The following TNR variants were observed in gnomAD, a reference collection of about 807,000 sequenced individuals.
TNR encodes tenascin R.
A neutral mutation model predicts 150.4 loss-of-function variants in TNR; 45 were observed. The observed-to-expected ratio is 0.30, with a 90% CI of 0.24 to 0.38. TNR has a LOEUF of 0.38. Ranked by LOEUF, TNR falls within the 10% of genes least tolerant of loss-of-function variation. The probability of loss-of-function intolerance (pLI) is 1.00; values close to 1 mark genes in which losing one functional copy is unlikely to be tolerated. For missense variants in TNR, 1,544 were observed against 1,759.1 expected (o/e 0.88, Z 2.19); for synonymous variants, 687 against 678.4 (o/e 1.01, Z -0.20).
chr1:175,691,790 CA>C, intron 1 of TNR, among the ~76,000 whole-genome samples: 1 of 152,274 alleles, frequency 6.6e-6, no homozygotes, highest in South Asian at 2.1e-4. Context: ...ACCTTTTCTT[CA>C]GGCTCATTCT....
In TNR at chr1:175,687,137, G is replaced by A. The variant is rs545845527; in HGVS notation, c.-165+56089C>T. On this transcript the variant is annotated intron_variant, in intron 1 of 22. Transcript: ENST00000367674. ...TGGCATGAGCTAAAGCTTAGTCAGA[G>A]TCCTCCTGGGCTCAGCTCTGCCTGC... 3.3e-5 allele frequency among the ~76,000 whole-genome samples: 5 copies of A among 152,250 alleles called. No homozygotes were observed. In the South Asian group the frequency reaches 6.2e-4, roughly 19 times the overall value.
intron 4 of TNR, among the ~76,000 whole-genome samples, chr1:175,401,921 T>TA: frequency 6.6e-6 from 1 of 152,346 alleles, no homozygotes; most frequent in Admixed American, 6.5e-5. Flanking sequence ...CTGTACTGTT[T>TA]AAAACATAAA....
chr1:175,669,871 T>A lies in TNR; in HGVS notation c.-165+73355A>T, dbSNP rs374383834. Among the ~76,000 whole-genome samples the A allele has an allele frequency of 5.9e-5, 9 of 152,250 alleles. No homozygotes were observed. The East Asian group carries it at 1.7e-3, about 29-fold the overall frequency. ...GCCACCTTTACTGCTTCTGAGCATC[T>A]CCAGTGCAGGAACAGGGACTCTCTC... On this transcript the variant is annotated intron_variant, in intron 1 of 22. Transcript: ENST00000367674.
At chr1:175,725,608 C>A (rs1191319208) in intron 1 of TNR, among the ~76,000 whole-genome samples, 1 of 152,052 alleles carries the variant, frequency 6.6e-6, no homozygotes, top group African/African-American at 2.4e-5. Flanking sequence ...AATAAAGGAT[C>A]ACAATTTGGG....
At chr1:175,437,451 C>T (rs1052147396) in intron 2 of TNR, among the ~76,000 whole-genome samples, 5 of 152,186 alleles carry the variant, frequency 3.3e-5, no homozygotes, top group African/African-American at 9.7e-5. Flanking sequence ...GACACCCTAA[C>T]ATCACAATTA....
chr1:175,559,599 T>A (rs149383054), intron 1 of TNR, among the ~76,000 whole-genome samples: 1 of 152,326 alleles, frequency 6.6e-6, no homozygotes, highest in African/African-American at 2.4e-5. Context: ...ATATCAGTAT[T>A]GTACATGTTT....
At chr1:175,437,133 C>A (rs1185443679) in intron 2 of TNR, among the ~76,000 whole-genome samples, 1 of 152,188 alleles carries the variant, frequency 6.6e-6, no homozygotes, top group Non-Finnish European at 1.5e-5. Flanking sequence ...GGAAGTAAAG[C>A]ATTCCTCAGC....
chr1:175,645,091 C>A (rs1265960233), intron 1 of TNR, among the ~76,000 whole-genome samples: 5 of 152,018 alleles, frequency 3.3e-5, no homozygotes, highest in African/African-American at 1.2e-4. Context: ...TTTTTTATTA[C>A]AATTTTAGCT....
intron 2 of TNR, among the ~76,000 whole-genome samples, chr1:175,427,727 TTC>T (rs1391180521): frequency 3.7e-5 from 4 of 108,132 alleles, no homozygotes; most frequent in South Asian, 3.6e-4. Flanking sequence ...CCTTCTCTCT[TTC>T]TTTTCCTTCC....
chr1:175,394,705 AC>A (rs1653339298), intron 5 of TNR, among the ~76,000 whole-genome samples: 1 of 152,196 alleles, frequency 6.6e-6, no homozygotes, highest in African/African-American at 2.4e-5. Flanking sequence ...TGGAAAAAGG[AC>A]AGATTTTCTC....
At chr1:175,738,532 G>A (rs73037268) in intron 1 of TNR, among the ~76,000 whole-genome samples, 7,962 of 152,248 alleles carry the variant, frequency 0.052, 635 homozygotes, top group African/African-American at 0.17. Context: ...GAGAATTAGC[G>A]TTTACTGTGT....
intron 2 of TNR, among the ~76,000 whole-genome samples, chr1:175,483,929 C>T (rs1001735498): frequency 1.3e-5 from 2 of 152,186 alleles, no homozygotes; most frequent in African/African-American, 4.8e-5. Flanking sequence ...GACTCTTCTG[C>T]AAGATTTCCA....
intron 1 of TNR, among the ~76,000 whole-genome samples, chr1:175,590,539 TGGA>T (rs1445115642): frequency 6.6e-6 from 1 of 152,208 alleles, no homozygotes; most frequent in African/African-American, 2.4e-5. Flanking sequence ...CTCAGCCTGG[TGGA>T]GAAGACAGAC....
intron 2 of TNR, among the ~76,000 whole-genome samples, chr1:175,475,604 G>A (rs192727579): frequency 1.3e-3 from 203 of 152,350 alleles, no homozygotes; most frequent in African/African-American, 4.8e-3. Flanking sequence ...GTGCCACTGT[G>A]CCTTTGCACC....
At chr1:175,540,756 C>A (rs1380342747) in intron 1 of TNR, among the ~76,000 whole-genome samples, 3 of 152,148 alleles carry the variant, frequency 2.0e-5, no homozygotes, top group African/African-American at 7.2e-5. Flanking sequence ...CGGACTGGTT[C>A]ACCGCCTCTA....
chr1:175,364,815 A>G (rs1429840255), intron 12 of TNR, among the ~76,000 whole-genome samples, 195 bp downstream of exon 12: 3 of 152,186 alleles, frequency 2.0e-5, no homozygotes, highest in Admixed American at 2.0e-4. Flanking sequence ...CCACCTTCCA[A>G]GTGGGAGTTT....
intron 1 of TNR, among the ~76,000 whole-genome samples, chr1:175,638,473 C>T (rs1204418216): frequency 2.0e-5 from 3 of 152,166 alleles, no homozygotes; most frequent in Admixed American, 6.5e-5. Flanking sequence ...AGTGGGCACT[C>T]GTGCATATGG....
chr1:175,448,385 T>A (rs569476543), intron 2 of TNR, among the ~76,000 whole-genome samples: 1 of 152,206 alleles, frequency 6.6e-6, no homozygotes, highest in South Asian at 2.1e-4. Context: ...CTAATTTTTG[T>A]ATTTTTAGTA....
At chr1:175,742,499 A>T (rs971848642) in intron 1 of TNR, among the ~76,000 whole-genome samples, 5 of 151,810 alleles carry the variant, frequency 3.3e-5, no homozygotes, top group African/African-American at 1.2e-4. Context: ...ATGTAATATA[A>T]CCCACACCAG....
Sources: gnomAD v4.1 joint callset for allele counts (sites outside exome capture counted in the v4.1 genomes callset) on GRCh38, gnomAD v4.1.1 for gene constraint, MANE v1.5 for transcripts, NCBI Gene and HGNC (gene_info 2026-07-23, HGNC 2026-07-21) for gene names.